The following ABAT variants were observed in gnomAD, a reference collection of about 807,000 sequenced individuals.
ABAT encodes 4-aminobutyrate aminotransferase, mitochondrial.
A neutral mutation model predicts 64.6 loss-of-function variants in ABAT; 45 were observed. That is an observed-to-expected ratio of 0.70 (90% CI 0.55 to 0.89). The LOEUF (loss-of-function observed/expected upper bound fraction) is 0.89, where lower values mean the gene tolerates loss of function less well. Ranked by LOEUF, ABAT falls within the 40% of genes least tolerant of loss-of-function variation. The pLI is 0.00. For missense variants in ABAT, 633 were observed against 658.4 expected, an observed-to-expected ratio of 0.96 and a Z score of 0.42; for synonymous variants, 297 against 250.5, an observed-to-expected ratio of 1.19 and a Z score of -1.75.
chr16:8,771,195 C>G (rs868236482), intron 11 of ABAT, among the ~76,000 whole-genome samples: 4 of 151,260 alleles, frequency 2.6e-5, no homozygotes, highest in Non-Finnish European at 5.9e-5. Context: ...CTCCAGAGGC[C>G]GAAGCAGGAG....
chr16:8,710,532 T>C (rs1016847631), intron 1 of ABAT, among the ~76,000 whole-genome samples: 1 of 151,390 alleles, frequency 6.6e-6, no homozygotes, highest in African/African-American at 2.4e-5. Context: ...AGCCCAGGAG[T>C]TCATAACCAA....
At chr16:8,777,735 G>GT (rs2060308812) in intron 14 of ABAT, among the ~76,000 whole-genome samples, 1 of 152,206 alleles carries the variant, frequency 6.6e-6, no homozygotes, top group Non-Finnish European at 1.5e-5. Context: ...ACATGCTAGA[G>GT]TAAGTGCTGG....
At chr16:8,711,732 A>ATGGATGGG in intron 1 of ABAT, among the ~76,000 whole-genome samples, 1 of 61,964 alleles carries the variant, frequency 1.6e-5, no homozygotes, top group African/African-American at 4.7e-5. Context: ...GGGAAGATGG[A>ATGGATGGG]TGGGTGGATG....
intron 1 of ABAT, chr16:8,714,512 A>T (rs759673546): frequency 5.3e-5 from 8 of 152,206 alleles, no homozygotes; most frequent in Non-Finnish European, 1.2e-4. Flanking sequence ...TTCATTTTGA[A>T]TTTTTTCCCA....
At chr16:8,770,044 G>A (rs1460204016) in intron 11 of ABAT, among the ~76,000 whole-genome samples, 1 of 152,102 alleles carries the variant, frequency 6.6e-6, no homozygotes, top group Non-Finnish European at 1.5e-5. Flanking sequence ...TATAATGCAA[G>A]CCACATATGT....
intron 6 of ABAT, among the ~76,000 whole-genome samples, chr16:8,759,451 C>T (rs2059736486): frequency 6.6e-6 from 1 of 151,648 alleles, no homozygotes; most frequent in Non-Finnish European, 1.5e-5. Context: ...TTATTCCTTC[C>T]AACCAAATTA....
chr16:8,776,535 C>T lies in ABAT; in HGVS notation c.1269+45C>T, dbSNP rs567506790. 699 of 1,544,108 alleles carry T rather than the reference C, an allele frequency of 4.5e-4. 2 individuals carry two copies. The highest frequency in any genetic ancestry group is 5.4e-4 in the Non-Finnish European group (620 of 1,141,508). On this transcript the variant is annotated intron_variant, in intron 14 of 15. Transcript: ENST00000268251. This position sits in a 1 kb window ranked among gnomAD's most constrained non-coding sequence, Gnocchi z 4.4. ...CCCGCCCCCACCACCCATGGCTCCC[C>T]GCAGCAGCCTCCGGGGCAACACTGG...
At chr16:8,727,153 T>C (rs1415596434) in intron 1 of ABAT, among the ~76,000 whole-genome samples, 5 of 152,174 alleles carry the variant, frequency 3.3e-5, no homozygotes, top group Non-Finnish European at 5.9e-5. Flanking sequence ...GCCTCTTCGC[T>C]TTGTTGGTTG....
At chr16:8,769,716 G>A (rs1225800509) in intron 11 of ABAT, among the ~76,000 whole-genome samples, 1 of 152,108 alleles carries the variant, frequency 6.6e-6, no homozygotes, top group Admixed American at 6.5e-5. Flanking sequence ...CTATGGGAGA[G>A]GCTGAGGACA....
chr16:8,745,962 C>T, intron 2 of ABAT, 39 bp from the exon 3 acceptor site: 3 of 1,576,756 alleles, frequency 1.9e-6, no homozygotes, highest in Non-Finnish European at 2.6e-6. Flanking sequence ...ATGATCTCTG[C>T]TGTCACCAGG....
At chr16:8,768,733 C>T in intron 10 of ABAT, 92 bp from the exon 11 acceptor site, 1 of 1,573,940 alleles carries the variant, frequency 6.4e-7, no homozygotes, top group African/African-American at 1.3e-5. Flanking sequence ...CACTGACAGC[C>T]TTGCGCTGAA....
chr16:8,745,015 TCTCA>T (rs905696233), intron 2 of ABAT, among the ~76,000 whole-genome samples: 1 of 152,128 alleles, frequency 6.6e-6, no homozygotes, highest in African/African-American at 2.4e-5. Context: ...TGAGACAGCG[TCTCA>T]CTCTGTTGCC....
chr16:8,679,976 C>T (rs2057295182), intron 1 of ABAT, among the ~76,000 whole-genome samples: 1 of 152,052 alleles, frequency 6.6e-6, no homozygotes, highest in Non-Finnish European at 1.5e-5. Context: ...CATCATGTGG[C>T]CTCTAATTAC....
chr16:8,773,731 T>C (rs1025092541), intron 12 of ABAT, among the ~76,000 whole-genome samples: 10 of 152,220 alleles, frequency 6.6e-5, no homozygotes, highest in Non-Finnish European at 2.9e-5. Context: ...TGCCAGCCTC[T>C]GATAGGCGTC....
chr16:8,733,613 T>G (rs976266333), intron 1 of ABAT, among the ~76,000 whole-genome samples: 2 of 151,992 alleles, frequency 1.3e-5, no homozygotes, highest in African/African-American at 4.8e-5. Flanking sequence ...GCGGATCACT[T>G]GCGGTTAGGG....
At chr16:8,736,665 C>T (rs2058948127) in intron 2 of ABAT, 1 of 152,410 alleles carries the variant, frequency 6.6e-6, no homozygotes, top group Non-Finnish European at 1.5e-5. Flanking sequence ...CTGGCTCCTT[C>T]TTCCTTCTGT....
At chr16:8,720,174 C>A (rs976724651) in intron 1 of ABAT, among the ~76,000 whole-genome samples, 2 of 152,220 alleles carry the variant, frequency 1.3e-5, no homozygotes, top group Non-Finnish European at 2.9e-5. Context: ...GGCATCTCTT[C>A]CACATCCTAT....
chr16:8,688,217 G>GACACTGGGTA (rs1444229724), intron 1 of ABAT, among the ~76,000 whole-genome samples: 3 of 152,232 alleles, frequency 2.0e-5, no homozygotes, highest in East Asian at 3.9e-4. Flanking sequence ...CTACCTACAA[G>GACACTGGGTA]ACACTGGGTA....
At chr16:8,725,835 A>G (rs1363447355) in intron 1 of ABAT, among the ~76,000 whole-genome samples, 5 of 152,038 alleles carry the variant, frequency 3.3e-5, no homozygotes, top group African/African-American at 1.2e-4. Context: ...GGCCATGCCA[A>G]CTCTAGGACT....
Sources: allele counts gnomAD v4.1 joint callset (sites outside exome capture counted in the v4.1 genomes callset), GRCh38; gene constraint gnomAD v4.1.1; non-coding constraint Gnocchi (gnomAD v3.1); transcripts MANE v1.5; gene names NCBI Gene and HGNC (gene_info 2026-07-23, HGNC 2026-07-21).